AGBL1: variants seen among roughly 807,000 people sequenced by gnomAD.
The protein encoded by AGBL1 is AGBL carboxypeptidase 1.
In AGBL1, 130 loss-of-function variants were observed where a neutral mutation model predicts 118.9. That is an observed-to-expected ratio of 1.09 (90% CI 0.95 to 1.26). The LOEUF is 1.26. Among genes scored for constraint, AGBL1 ranks in the 50% most tolerant of loss-of-function variants. The pLI is 0.00. For missense variants in AGBL1, 1,584 were observed against 1,298.1 expected, an observed-to-expected ratio of 1.22 and a Z score of -3.38; for synonymous variants, 555 against 478.9, an observed-to-expected ratio of 1.16 and a Z score of -2.08.
chr15:86,369,705 A>G (rs2080943869), intron 17 of AGBL1, among the ~76,000 whole-genome samples: 1 of 152,170 alleles, frequency 6.6e-6, no homozygotes, highest in Non-Finnish European at 1.5e-5. Context: ...GAAGGTTTGC[A>G]GATATAAACA....
intron 22 of AGBL1, among the ~76,000 whole-genome samples, chr15:86,729,604 G>T (rs906286878): frequency 1.3e-5 from 2 of 152,204 alleles, no homozygotes; most frequent in Non-Finnish European, 2.9e-5. Flanking sequence ...CAGTGGACAT[G>T]ACTTTGTTCT....
At chr15:86,427,817 G>A (rs1237490390) in intron 18 of AGBL1, among the ~76,000 whole-genome samples, 1 of 152,192 alleles carries the variant, frequency 6.6e-6, no homozygotes, top group African/African-American at 2.4e-5. Context: ...CTTCCCAGCT[G>A]TGTCTTCTCC....
At chr15:86,731,948 C>T (rs766464965) in intron 22 of AGBL1, among the ~76,000 whole-genome samples, 13 of 152,166 alleles carry the variant, frequency 8.5e-5, no homozygotes, top group African/African-American at 1.9e-4. Flanking sequence ...CATTTACTCA[C>T]GTGGCATTCC....
chr15:86,308,503 G>T (rs1449436610), intron 17 of AGBL1, among the ~76,000 whole-genome samples: 3 of 152,132 alleles, frequency 2.0e-5, no homozygotes, highest in Admixed American at 6.5e-5. Flanking sequence ...ATAAATTTCT[G>T]TTGTTTAAGC....
chr15:86,903,813 G>T (rs2080244079), intron 22 of AGBL1, among the ~76,000 whole-genome samples: 1 of 152,132 alleles, frequency 6.6e-6, no homozygotes, highest in Admixed American at 6.5e-5. Flanking sequence ...TCCCTTTCTG[G>T]CCAGAAGAAG....
At chr15:86,559,301 C>A (rs1476379857) in intron 21 of AGBL1, among the ~76,000 whole-genome samples, 1 of 152,176 alleles carries the variant, frequency 6.6e-6, no homozygotes, top group East Asian at 1.9e-4. Flanking sequence ...GGGCAAGATA[C>A]TATTCAAGCT....
chr15:86,948,502 T>C (rs1194044760), intron 23 of AGBL1, among the ~76,000 whole-genome samples: 2 of 152,198 alleles, frequency 1.3e-5, no homozygotes, highest in Non-Finnish European at 2.9e-5. Context: ...AAGTGGACAC[T>C]AGAGCCACTC....
intron 19 of AGBL1, among the ~76,000 whole-genome samples, 179 bp downstream of exon 19, chr15:86,523,118 G>A (rs1465498204): frequency 6.6e-6 from 1 of 152,224 alleles, no homozygotes; most frequent in East Asian, 1.9e-4. Context: ...GCCACAACTG[G>A]GTAGCTTTGT....
chr15:86,784,999 G>C (rs2078386597), intron 22 of AGBL1, among the ~76,000 whole-genome samples: 1 of 152,108 alleles, frequency 6.6e-6, no homozygotes, highest in African/African-American at 2.4e-5. Flanking sequence ...ACAAATAATA[G>C]TAATAATTAT....
chr15:86,988,135 G>C, intron 24 of AGBL1: 1 of 1,594,964 alleles, frequency 6.3e-7, no homozygotes, highest in Non-Finnish European at 8.6e-7. Context: ...GGCGGGGATT[G>C]CTGGATGAAA....
chr15:86,495,664 C>T (rs942363762), intron 18 of AGBL1, among the ~76,000 whole-genome samples: 4 of 151,830 alleles, frequency 2.6e-5, no homozygotes, highest in African/African-American at 7.3e-5. Flanking sequence ...GATTAAACAA[C>T]CTGGTCTCTA....
chr15:86,979,173 T>C (rs1281902599), intron 23 of AGBL1, among the ~76,000 whole-genome samples: 2 of 152,202 alleles, frequency 1.3e-5, no homozygotes, highest in African/African-American at 4.8e-5. Flanking sequence ...ATTATTAAAA[T>C]GCTAAAAATG....
In AGBL1 at chr15:86,613,349, A is replaced by G. The variant is rs1268894992; in HGVS notation, c.2994+58812A>G. On this transcript the variant is annotated intron_variant, in intron 21 of 22. Coordinates refer to ENST00000614907, the MANE Select transcript of AGBL1 (RefSeq NM_001386094.1). The surrounding 1 kb of genome is among the most constrained non-coding windows in gnomAD (Gnocchi z 4.2). ...TTGTAGGTGACTTTAGCTGGATCTA[A>G]TGGGGCAGTAGGACACCGGTTGGTG... Among the ~76,000 whole-genome samples, 1 of 152,126 alleles carries G rather than the reference A, an allele frequency of 6.6e-6. No homozygotes were observed. The highest frequency in any genetic ancestry group is 2.4e-5 in the African/African-American group (1 of 41,426).
chr15:86,706,574 A>G (rs139324127), intron 22 of AGBL1, among the ~76,000 whole-genome samples: 1 of 152,250 alleles, frequency 6.6e-6, no homozygotes, highest in Non-Finnish European at 1.5e-5. Flanking sequence ...GCAACATGCT[A>G]GTAATCACAA....
At chr15:86,626,770 C>A (rs948957130) in intron 21 of AGBL1, among the ~76,000 whole-genome samples, 1 of 151,756 alleles carries the variant, frequency 6.6e-6, no homozygotes, top group Non-Finnish European at 1.5e-5. Flanking sequence ...TTGTGGAGAG[C>A]CTTCCTAAAA....
At chr15:86,658,364 C>T (rs191968063) in intron 21 of AGBL1, among the ~76,000 whole-genome samples, 156 of 152,080 alleles carry the variant, frequency 1.0e-3, no homozygotes, top group African/African-American at 3.5e-3. Flanking sequence ...TATATTTTTG[C>T]AAAAATGAAT....
intron 5 of AGBL1, among the ~76,000 whole-genome samples, chr15:86,215,224 CGT>C (rs1555449552): frequency 0.051 from 5,852 of 114,258 alleles, 133 homozygotes; most frequent in Non-Finnish European, 0.07. Context: ...TATATGTATG[CGT>C]GTGTGTGTGT....
In AGBL1 at chr15:86,613,842, G is replaced by A. The variant is rs1419390465; in HGVS notation, c.2994+59305G>A. Among the ~76,000 whole-genome samples, 1 of 152,144 alleles carries A rather than the reference G, an allele frequency of 6.6e-6. No individual in the cohort carries two copies. The highest frequency in any genetic ancestry group is 1.5e-5 in the Non-Finnish European group (1 of 68,026). On this transcript the variant is annotated intron_variant, in intron 21 of 22. Transcript: ENST00000614907. The surrounding 1 kb of genome is among the most constrained non-coding windows in gnomAD (Gnocchi z 4.2). ...ATGTAGCATAGTAAGATTCTTGAGT[G>A]ATCTATATGCATGTTAATGTTTGAG...
At chr15:86,599,096 C>T (rs532986052) in intron 21 of AGBL1, among the ~76,000 whole-genome samples, 7 of 152,014 alleles carry the variant, frequency 4.6e-5, no homozygotes, top group Non-Finnish European at 1.0e-4. Flanking sequence ...ATAATCCTGT[C>T]GGGAGAATAG....
Sources: allele counts gnomAD v4.1 joint callset (sites outside exome capture counted in the v4.1 genomes callset), GRCh38; gene constraint gnomAD v4.1.1; non-coding constraint Gnocchi (gnomAD v3.1); transcripts MANE v1.5; gene names NCBI Gene and HGNC (gene_info 2026-07-23, HGNC 2026-07-21).